Variants in ROBO2 observed in about 807,000 individuals in gnomAD.
ROBO2 encodes roundabout guidance receptor 2, also known as roundabout homolog 2.
A neutral mutation model predicts 160.8 loss-of-function variants in ROBO2; 53 were observed. The observed-to-expected ratio is 0.33, with a 90% CI of 0.26 to 0.41. ROBO2 has a LOEUF of 0.41. Ranked by LOEUF, ROBO2 falls within the 10% of genes least tolerant of loss-of-function variation. The pLI, the probability that ROBO2 is intolerant of heterozygous loss-of-function variation, is 1.00. For missense variants in ROBO2, 1,577 were observed against 1,722.4 expected, an observed-to-expected ratio of 0.92 and a Z score of 1.49; for synonymous variants, 664 against 611.7, an observed-to-expected ratio of 1.09 and a Z score of -1.26.
intron 5 of ROBO2, among the ~76,000 whole-genome samples, chr3:77,512,906 T>C (rs375049320): frequency 2.0e-4 from 31 of 152,076 alleles, no homozygotes; most frequent in African/African-American, 7.2e-4. Context: ...TAACGATTAA[T>C]ACAGCAGATG....
In ROBO2 at chr3:77,405,687, A is replaced by G. The variant is rs377558988; in HGVS notation, c.389-71727A>G. Among the ~76,000 whole-genome samples, 14 of 152,150 alleles carry G rather than the reference A, an allele frequency of 9.2e-5. No homozygotes were observed. The South Asian group carries it at 2.1e-3, about 23-fold the overall frequency. On this transcript the variant is annotated intron_variant, in intron 2 of 25. Coordinates refer to ENST00000461745, the Ensembl canonical transcript of ROBO2. ...AAGCCTCTTCCAACTCTTAATGTTT[A>G]TAAGTCTACTAAAAAATTAAAGATT...
intron 2 of ROBO2, among the ~76,000 whole-genome samples, chr3:77,413,084 G>A (rs1560765463): frequency 6.6e-6 from 1 of 152,030 alleles, no homozygotes; most frequent in Non-Finnish European, 1.5e-5. Context: ...GTGAGTACAG[G>A]CTTTGGGACC....
chr3:77,345,076 T>TA (rs143924681), intron 2 of ROBO2, among the ~76,000 whole-genome samples: 2,678 of 151,852 alleles, frequency 0.018, 101 homozygotes, highest in South Asian at 0.11. Flanking sequence ...GAAACACCCT[T>TA]AAAAAAAACC....
At chr3:76,324,859 T>C (rs2072876889) in intron 2 of ROBO2, among the ~76,000 whole-genome samples, 2 of 152,176 alleles carry the variant, frequency 1.3e-5, no homozygotes, top group Non-Finnish European at 2.9e-5. Context: ...CAGATCAGTC[T>C]CCTTTGGGAG....
chr3:77,596,293 A>G (rs2094301589), intron 18 of ROBO2, among the ~76,000 whole-genome samples: 1 of 152,170 alleles, frequency 6.6e-6, no homozygotes, highest in Non-Finnish European at 1.5e-5. Flanking sequence ...TAGAGCAGTC[A>G]CTTTGAGCAG....
intron 2 of ROBO2, among the ~76,000 whole-genome samples, chr3:76,779,524 C>T (rs995589122): frequency 6.6e-6 from 1 of 150,956 alleles, no homozygotes; most frequent in Non-Finnish European, 1.5e-5. Context: ...CCCCAAGCAC[C>T]TGACAACCAC....
chr3:77,146,914 C>A (rs2077165277), intron 2 of ROBO2, among the ~76,000 whole-genome samples: 1 of 152,050 alleles, frequency 6.6e-6, no homozygotes, highest in Non-Finnish European at 1.5e-5. Context: ...TTGCGGTGAG[C>A]CAAAATTACG....
chr3:76,970,929 A>T (rs1164622439), intron 2 of ROBO2, among the ~76,000 whole-genome samples: 1 of 152,152 alleles, frequency 6.6e-6, no homozygotes, highest in Admixed American at 6.5e-5. Flanking sequence ...TGTTATTTTC[A>T]TCTTATGAGC....
intron 2 of ROBO2, among the ~76,000 whole-genome samples, chr3:75,954,230 TA>T (rs976773576): frequency 4.6e-5 from 7 of 151,872 alleles, no homozygotes; most frequent in African/African-American, 1.4e-4. Flanking sequence ...AATGCATGTA[TA>T]TTTTTTTATT....
At chr3:77,546,631 G>A (rs571686392) in intron 7 of ROBO2, among the ~76,000 whole-genome samples, 169 bp downstream of exon 8, 2 of 152,212 alleles carry the variant, frequency 1.3e-5, no homozygotes, top group Admixed American at 6.6e-5. Flanking sequence ...TCTAGCAATA[G>A]CATTCTTTAT....
At chr3:75,977,745 A>G (rs1332364940) in intron 2 of ROBO2, among the ~76,000 whole-genome samples, 1 of 151,576 alleles carries the variant, frequency 6.6e-6, no homozygotes, top group African/African-American at 2.4e-5. Flanking sequence ...TCAAAGATCC[A>G]GAAAAGGTAG....
chr3:76,233,036 G>A (rs1223945647), intron 2 of ROBO2, among the ~76,000 whole-genome samples: 1 of 151,978 alleles, frequency 6.6e-6, no homozygotes, highest in African/African-American at 2.4e-5. Context: ...TGGATTACTG[G>A]TTTCCAGAGT....
chr3:77,642,043 A>G (rs2095357835), intron 24 of ROBO2, among the ~76,000 whole-genome samples: 1 of 152,188 alleles, frequency 6.6e-6, no homozygotes, highest in African/African-American at 2.4e-5. Flanking sequence ...AATACATCGG[A>G]AGATTGTAAT....
At chr3:77,485,359 A>G (rs74365680) in intron 4 of ROBO2, among the ~76,000 whole-genome samples, 2,696 of 152,248 alleles carry the variant, frequency 0.018, 73 homozygotes, top group African/African-American at 0.059. Flanking sequence ...ATCATTTAGC[A>G]TCTCATGATG....
intron 2 of ROBO2, among the ~76,000 whole-genome samples, chr3:76,317,301 G>A (rs539817711): frequency 1.3e-5 from 2 of 152,290 alleles, no homozygotes; most frequent in African/African-American, 4.8e-5. Context: ...CAATGTGATG[G>A]ATCTCACCTT....
At chr3:77,537,591 T>C (rs2153639712) in intron 6 of ROBO2, among the ~76,000 whole-genome samples, 1 of 152,324 alleles carries the variant, frequency 6.6e-6, no homozygotes, top group East Asian at 1.9e-4. Context: ...ATTTTGACAT[T>C]GAAGAAGCAC....
intron 2 of ROBO2, among the ~76,000 whole-genome samples, chr3:77,157,250 C>T (rs1179745361): frequency 6.6e-6 from 1 of 151,948 alleles, no homozygotes; most frequent in Non-Finnish European, 1.5e-5. Flanking sequence ...TGTTTTATTC[C>T]AACTTACTAA....
At chr3:76,123,852 T>C (rs2070854248) in intron 2 of ROBO2, among the ~76,000 whole-genome samples, 1 of 152,114 alleles carries the variant, frequency 6.6e-6, no homozygotes. Flanking sequence ...GTGGAGGTGA[T>C]GTATGTTTCC....
intron 2 of ROBO2, among the ~76,000 whole-genome samples, chr3:76,732,606 C>G (rs1227139774): frequency 6.6e-6 from 1 of 151,882 alleles, no homozygotes; most frequent in Non-Finnish European, 1.5e-5. Context: ...TTTTTGGCCC[C>G]TAAATAATGC....
Sources: gnomAD v4.1 joint callset for allele counts (sites outside exome capture counted in the v4.1 genomes callset) on GRCh38, gnomAD v4.1.1 for gene constraint, MANE v1.5 for transcripts, NCBI Gene and HGNC (gene_info 2026-07-23, HGNC 2026-07-21) for gene names.